The following MGAT4C variants were observed in gnomAD, a reference collection of about 807,000 sequenced individuals.
MGAT4C encodes MGAT4 family member C.
MGAT4C carries 19 observed loss-of-function variants against 40.1 expected under a neutral mutation model. The observed-to-expected ratio is 0.47, with a 90% CI of 0.33 to 0.70. The LOEUF (loss-of-function observed/expected upper bound fraction) is 0.70, where lower values mean the gene tolerates loss of function less well. Among genes scored for constraint, MGAT4C ranks in the 30% least tolerant of loss-of-function variants. The probability of loss-of-function intolerance (pLI) is 0.02; values close to 1 mark genes in which losing one functional copy is unlikely to be tolerated. For synonymous variants in MGAT4C, 181 were observed against 187.1 expected, an observed-to-expected ratio of 0.97 and a Z score of 0.27; for missense variants, 491 against 563.2, an observed-to-expected ratio of 0.87 and a Z score of 1.30.
At chr12:85,999,606 T>TATAC (rs1555203107) in intron 2 of MGAT4C, among the ~76,000 whole-genome samples, 2 of 148,276 alleles carry the variant, frequency 1.3e-5, no homozygotes, top group Non-Finnish European at 3.0e-5. Context: ...TATATATATA[T>TATAC]ATACATACAC....
intron 1 of MGAT4C, among the ~76,000 whole-genome samples, chr12:86,778,067 T>C (rs1309402738): frequency 1.3e-5 from 2 of 152,180 alleles, no homozygotes; most frequent in South Asian, 2.1e-4. Flanking sequence ...CTCACCTCCA[T>C]AGCTTACAAA....
intron 2 of MGAT4C, among the ~76,000 whole-genome samples, chr12:86,547,194 CT>C (rs1235382331): frequency 6.6e-6 from 1 of 151,840 alleles, no homozygotes; most frequent in East Asian, 1.9e-4. Context: ...TTAATACTTT[CT>C]TTTTTGCTTA....
In MGAT4C at chr12:85,959,904, T is replaced by A. The variant is rs1490961156; in HGVS notation, c.*19385A>T. ...GCTTATTAAAGGATTAAAATCCACC[T>A]CTAAACTTATTTAGATCAAGGTCAG... On this transcript the variant is annotated 3_prime_UTR_variant, in exon 5 of 5. Transcript: ENST00000611864. The A allele has an allele frequency of 6.6e-6, 1 of 152,024 alleles. No homozygotes were observed. The highest frequency in any genetic ancestry group is 1.9e-4 in the East Asian group (1 of 5,188). 9.4% of individuals were successfully genotyped at this position (152,024 alleles called of 1,614,324 possible). A position where few individuals can be genotyped will look rare whatever the true frequency, so the allele number is the denominator to read the frequency against.
chr12:86,226,326 A>T (rs905644964), intron 1 of MGAT4C, among the ~76,000 whole-genome samples: 4 of 151,956 alleles, frequency 2.6e-5, no homozygotes, highest in Admixed American at 6.6e-5. Flanking sequence ...AGGTATATTT[A>T]AAAAGTATGA....
At chr12:86,253,308 A>G (rs1952380073) in intron 1 of MGAT4C, among the ~76,000 whole-genome samples, 1 of 151,854 alleles carries the variant, frequency 6.6e-6, no homozygotes, top group Non-Finnish European at 1.5e-5. Context: ...GAAGTGACTG[A>G]TTAGATAACC....
At chr12:86,403,317 C>A (rs1343345262) in intron 3 of MGAT4C, among the ~76,000 whole-genome samples, 3 of 152,122 alleles carry the variant, frequency 2.0e-5, no homozygotes, top group African/African-American at 7.2e-5. Flanking sequence ...AACCATGTAA[C>A]GCTGATGGAA....
At position 86,490,201 on chromosome 12, in the gene MGAT4C, C is replaced by G. The variant is rs1565798006; in HGVS notation, c.-228-54936G>C. On this transcript the variant is annotated intron_variant, in intron 2 of 7. Coordinates refer to the MGAT4C transcript ENST00000548651. ...AGGTCGGGTTACCCACAAAGGGAAGCCCGTCAGACTAACAGCGGATCTCTC... is the reference window on the plus strand; with the variant it reads ...AGGTCGGGTTACCCACAAAGGGAAGGCCGTCAGACTAACAGCGGATCTCTC... Among the ~76,000 whole-genome samples the G allele has an allele frequency of 2.0e-5, 3 of 152,102 alleles. No homozygotes were observed. In the South Asian group the frequency reaches 6.2e-4, roughly 31 times the overall value.
rs567791767 is a variant in MGAT4C, at chr12:86,465,126, G to A, written c.-228-29861C>T. Among the ~76,000 whole-genome samples the A allele has an allele frequency of 1.3e-3, 205 of 151,956 alleles. 4 individuals carry two copies. Among genetic ancestry groups the A allele is most frequent in the African/African-American group, 4.6e-3 (192 of 41,450 alleles). On this transcript the variant is annotated intron_variant, in intron 2 of 7. Transcript: ENST00000548651. Reference sequence around the variant, plus strand: ...TAGTGGCCTGTACTCTCTCTCCACTGAAAAATATTTTTATTCAATAAATGA... The same window carrying A: ...TAGTGGCCTGTACTCTCTCTCCACTAAAAAATATTTTTATTCAATAAATGA...
chr12:86,243,186 G>A (rs752828387), intron 1 of MGAT4C, among the ~76,000 whole-genome samples: 96 of 152,210 alleles, frequency 6.3e-4, no homozygotes, highest in Non-Finnish European at 1.0e-3. Context: ...CATCTCATCT[G>A]GCTCCAATAA....
intron 4 of MGAT4C, among the ~76,000 whole-genome samples, chr12:86,307,184 G>T (rs7304542): frequency 0.67 from 100,035 of 149,750 alleles, 34,987 homozygotes; most frequent in South Asian, 0.78. Flanking sequence ...TTATTAAAAG[G>T]TTCTGCTAAA....
At chr12:86,097,200 G>C (rs1443413040) in intron 1 of MGAT4C, among the ~76,000 whole-genome samples, 1 of 151,586 alleles carries the variant, frequency 6.6e-6, no homozygotes, top group African/African-American at 2.4e-5. Flanking sequence ...TCAACAGTCT[G>C]TTGCTATAAA....
In MGAT4C at chr12:85,983,630, TG is replaced by T; in HGVS notation, c.187del (p.Gln63AsnfsTer2). On this transcript the variant is annotated frameshift_variant, in exon 4 of 5. Transcript: ENST00000611864. LOFTEE classifies it high-confidence loss of function. ...ATGAACATAGCGTTCTGAATTCAGT[TG>T]ATGTGTGGATGTTTCCCTTATAAGT... The part of the protein sequence containing the change: ...KQLIRETSTH[Q>X]LNSERYVHTF... 1.9e-6 allele frequency: 3 copies of T among 1,597,828 alleles called. No homozygotes were observed. The highest frequency in any genetic ancestry group is 2.6e-6 in the Non-Finnish European group (3 of 1,172,684).
intron 1 of MGAT4C, among the ~76,000 whole-genome samples, chr12:86,078,806 G>A (rs567798723): frequency 1.3e-5 from 2 of 152,286 alleles, no homozygotes; most frequent in East Asian, 3.9e-4. Flanking sequence ...TCCACAGAAT[G>A]GGTCATTCTA....
intron 1 of MGAT4C, among the ~76,000 whole-genome samples, chr12:86,749,228 C>T (rs1217456436): frequency 1.3e-5 from 2 of 151,564 alleles, no homozygotes; most frequent in African/African-American, 2.4e-5. Flanking sequence ...ACAATAGATG[C>T]ACTTTAAATA....
intron 4 of MGAT4C, among the ~76,000 whole-genome samples, chr12:86,315,412 CT>C (rs1256479310): frequency 3.9e-5 from 6 of 151,966 alleles, no homozygotes; most frequent in Non-Finnish European, 7.4e-5. Context: ...TATCAGAATC[CT>C]AGAAGAAGGC....
intron 1 of MGAT4C, among the ~76,000 whole-genome samples, chr12:86,067,249 A>T (rs1894632580): frequency 6.6e-6 from 1 of 152,226 alleles, no homozygotes; most frequent in African/African-American, 2.4e-5. Context: ...CTATAAAGAT[A>T]CACTCACACA....
intron 2 of MGAT4C, among the ~76,000 whole-genome samples, chr12:86,550,148 A>C (rs1959276486): frequency 6.6e-6 from 1 of 152,100 alleles, no homozygotes; most frequent in Non-Finnish European, 1.5e-5. Flanking sequence ...GTGAAGAAAT[A>C]GGTACTTGTT....
At chr12:86,657,067 C>A (rs778106312) in intron 2 of MGAT4C, among the ~76,000 whole-genome samples, 1 of 151,972 alleles carries the variant, frequency 6.6e-6, no homozygotes, top group Non-Finnish European at 1.5e-5. Context: ...CCAACTTTTG[C>A]ATCCTAAAAG....
chr12:86,446,789 C>T (rs1326482018), intron 2 of MGAT4C, among the ~76,000 whole-genome samples: 2 of 147,438 alleles, frequency 1.4e-5, no homozygotes, highest in African/African-American at 2.5e-5. Context: ...GGGCAAGCTG[C>T]ATACTATTGC....
Sources: gnomAD v4.1 joint callset for allele counts (sites outside exome capture counted in the v4.1 genomes callset) on GRCh38, gnomAD v4.1.1 for gene constraint, MANE v1.5 for transcripts, NCBI Gene and HGNC (gene_info 2026-07-23, HGNC 2026-07-21) for gene names.